NBAS: variants seen among roughly 807,000 people sequenced by gnomAD.
NBAS encodes NBAS subunit of NRZ tethering complex.
A neutral mutation model predicts 302.5 loss-of-function variants in NBAS; 219 were observed. That is an observed-to-expected ratio of 0.72 (90% confidence interval 0.65 to 0.81). The LOEUF is 0.81. Among genes scored for constraint, NBAS ranks in the 30% least tolerant of loss-of-function variants. The pLI, the probability that NBAS is intolerant of heterozygous loss-of-function variation, is 0.00. For synonymous variants in NBAS, 1,118 were observed against 1,021.6 expected, an observed-to-expected ratio of 1.09 and a Z score of -1.80; for missense variants, 2,932 against 2,841.6, an observed-to-expected ratio of 1.03 and a Z score of -0.72.
the NBAS span, among the ~76,000 whole-genome samples, chr2:14,871,856 C>T: frequency 6.6e-6 from 1 of 151,912 alleles, no homozygotes; most frequent in South Asian, 2.1e-4. Flanking sequence ...AAATAGAAAA[C>T]TAAATAGAAT....
intron 7 of NBAS, chr2:15,538,264 T>C (rs2148687439): frequency 2.8e-6 from 1 of 357,706 alleles, no homozygotes; most frequent in East Asian, 6.4e-5. Context: ...TCATATTGTA[T>C]TTCTTTTAGC....
intron 44 of NBAS, among the ~76,000 whole-genome samples, chr2:15,247,023 T>C (rs1269946683): frequency 6.6e-6 from 1 of 152,070 alleles, no homozygotes; most frequent in Non-Finnish European, 1.5e-5. Context: ...AGGTGACATC[T>C]CCAAGGAGAG....
At chr2:15,457,047 A>AG (rs2148550759) in intron 21 of NBAS, among the ~76,000 whole-genome samples, 1 of 152,292 alleles carries the variant, frequency 6.6e-6, no homozygotes, top group South Asian at 2.1e-4. Context: ...ACATGGGAGA[A>AG]GGGCACACTA....
intron 51 of NBAS, chr2:15,178,291 C>G (rs1187967212): frequency 2.9e-6 from 1 of 341,394 alleles, no homozygotes; most frequent in East Asian, 8.0e-5. Context: ...GACATACATA[C>G]ACTTCAAATG....
chr2:15,232,730 T>G (rs981208009), intron 46 of NBAS, among the ~76,000 whole-genome samples: 12 of 151,886 alleles, frequency 7.9e-5, no homozygotes. Flanking sequence ...AATATACACA[T>G]GTTTTCCTAT....
chr2:15,339,588 C>G (rs975072006), intron 35 of NBAS, among the ~76,000 whole-genome samples: 2 of 152,038 alleles, frequency 1.3e-5, no homozygotes, highest in African/African-American at 4.8e-5. Flanking sequence ...ATAGTCTCTG[C>G]TACAAAGAAC....
chr2:15,498,958 T>C (rs1681176528), intron 11 of NBAS, among the ~76,000 whole-genome samples: 1 of 150,190 alleles, frequency 6.7e-6, no homozygotes, highest in Admixed American at 6.7e-5. Context: ...GAGACAGTCT[T>C]GCTCCATCGC....
At chr2:14,992,456 AATTTGT>A in the NBAS span, among the ~76,000 whole-genome samples, 8 of 152,216 alleles carry the variant, frequency 5.3e-5, no homozygotes, top group Non-Finnish European at 1.0e-4. Context: ...ATCTGTGCAC[AATTTGT>A]AATGGTGCCT....
At chr2:15,465,470 C>G (rs1220819596) in intron 19 of NBAS, among the ~76,000 whole-genome samples, 1 of 152,198 alleles carries the variant, frequency 6.6e-6, no homozygotes, top group African/African-American at 2.4e-5. Flanking sequence ...GTTCCTTTCT[C>G]TACCTCTAGC....
chr2:15,424,192 C>T, intron 23 of NBAS, 123 bp downstream of exon 23: 1 of 1,135,690 alleles, frequency 8.8e-7, no homozygotes, highest in Non-Finnish European at 1.3e-6. Flanking sequence ...ATATTCAATT[C>T]ATCTCTTGCA....
intron 51 of NBAS, among the ~76,000 whole-genome samples, chr2:15,177,472 GA>G (rs1376350018): frequency 6.6e-6 from 1 of 152,148 alleles, no homozygotes; most frequent in Non-Finnish European, 1.5e-5. Context: ...TCTTTAAAAT[GA>G]AAACTGATAC....
intron 40 of NBAS, among the ~76,000 whole-genome samples, chr2:15,301,226 T>G (rs1261659901): frequency 6.6e-6 from 1 of 152,172 alleles, no homozygotes; most frequent in Non-Finnish European, 1.5e-5. Context: ...AAGCCTGGAA[T>G]CAGGGGCTTT....
chr2:14,941,415 G>T, the NBAS span, among the ~76,000 whole-genome samples: 170 of 152,334 alleles, frequency 1.1e-3, 2 homozygotes, highest in African/African-American at 3.8e-3. Context: ...CCTACTCCAA[G>T]AAAGAACAGG....
At chr2:15,152,474 T>C in the NBAS span, among the ~76,000 whole-genome samples, 96 of 152,324 alleles carry the variant, frequency 6.3e-4, no homozygotes, top group Admixed American at 1.0e-3. Context: ...AGTATATTCT[T>C]GTAACAAGTA....
At position 15,467,873 on chromosome 2, in the gene NBAS, C is replaced by T. The variant is rs113587184; in HGVS notation, c.1878-69G>A. ...ACTTCGTGTTGTGAAAAGCTTTCTCCTATTTTGACTGATTTCATTATTGAT... is the reference window on the plus strand; with the variant it reads ...ACTTCGTGTTGTGAAAAGCTTTCTCTTATTTTGACTGATTTCATTATTGAT... On this transcript the variant is annotated intron_variant, in intron 17 of 51. Transcript: ENST00000281513. The T allele has an allele frequency of 1.7e-3, 2,170 of 1,267,070 alleles. 21 individuals are homozygous for T. The African/African-American group carries it at 0.02, about 12-fold the overall frequency. The allele number at this position is 1,267,070 out of a possible 1,614,324, so 78.5% of individuals were successfully genotyped here. A position where few individuals can be genotyped will look rare whatever the true frequency, so the allele number is the denominator to read the frequency against.
At chr2:15,155,174 T>C in the NBAS span, among the ~76,000 whole-genome samples, 1 of 152,184 alleles carries the variant, frequency 6.6e-6, no homozygotes, top group Non-Finnish European at 1.5e-5. Context: ...GTCTTTGGTA[T>C]CTCTGACCCA....
chr2:15,304,499 C>T (rs546071594), intron 40 of NBAS, among the ~76,000 whole-genome samples: 83 of 152,320 alleles, frequency 5.4e-4, no homozygotes, highest in African/African-American at 1.8e-3. Context: ...AACTTTGGAA[C>T]TAGGCCATGG....
the NBAS span, among the ~76,000 whole-genome samples, chr2:15,047,800 C>T: frequency 7.2e-3 from 1,091 of 152,364 alleles, 7 homozygotes; most frequent in Non-Finnish European, 0.011. Context: ...AGCAAGCAGA[C>T]CTAGATTACC....
At chr2:15,236,207 A>G (rs1194059408) in intron 45 of NBAS, among the ~76,000 whole-genome samples, 1 of 152,114 alleles carries the variant, frequency 6.6e-6, no homozygotes, top group Non-Finnish European at 1.5e-5. Context: ...CTTAGATGAA[A>G]CAAACATGTT....
Sources: allele counts gnomAD v4.1 joint callset (sites outside exome capture counted in the v4.1 genomes callset), GRCh38; gene constraint gnomAD v4.1.1; transcripts MANE v1.5; gene names NCBI Gene and HGNC (gene_info 2026-07-23, HGNC 2026-07-21).